The following GABRB2 variants were observed in gnomAD, a reference collection of about 807,000 sequenced individuals.
GABRB2 encodes gamma-aminobutyric acid type A receptor subunit beta2.
A neutral mutation model predicts 54.7 loss-of-function variants in GABRB2; 16 were observed. The observed-to-expected ratio is 0.29, with a 90% CI of 0.20 to 0.44. GABRB2 has a LOEUF of 0.44. Ranked by LOEUF, GABRB2 falls within the 20% of genes least tolerant of loss-of-function variation. The pLI is 1.00. For synonymous variants in GABRB2, 244 were observed against 233.8 expected (o/e 1.04, Z -0.40); for missense variants, 355 against 644.0 (o/e 0.55, Z 4.86).
At chr5:161,369,259 T>G (rs575334604) in intron 5 of GABRB2, among the ~76,000 whole-genome samples, 1 of 152,332 alleles carries the variant, frequency 6.6e-6, no homozygotes, top group Admixed American at 6.5e-5. Context: ...AACTGGCAGC[T>G]CCTGCTGTGA....
At chr5:161,461,506 T>C (rs568116456) in intron 3 of GABRB2, among the ~76,000 whole-genome samples, 59 of 152,286 alleles carry the variant, frequency 3.9e-4, no homozygotes, top group African/African-American at 1.3e-3. Context: ...CAGAAGGTTA[T>C]TATGAAAATT....
chr5:161,468,360 C>G (rs1022718311), intron 3 of GABRB2, among the ~76,000 whole-genome samples: 3 of 152,026 alleles, frequency 2.0e-5, no homozygotes, highest in Admixed American at 6.6e-5. Context: ...TAAGCCCATC[C>G]ACACTGGCCT....
intron 5 of GABRB2, among the ~76,000 whole-genome samples, chr5:161,402,386 G>A (rs1756223666): frequency 6.6e-6 from 1 of 152,082 alleles, no homozygotes; most frequent in South Asian, 2.1e-4. Flanking sequence ...TTAAAAAGGT[G>A]AGTTCCAGTT....
chr5:161,524,437 G>A (rs1760209415), intron 3 of GABRB2, among the ~76,000 whole-genome samples: 3 of 151,690 alleles, frequency 2.0e-5, no homozygotes. Context: ...TGAAATTATG[G>A]CTAAGAGTAA....
At chr5:161,365,451 T>A (rs1754944763) in intron 5 of GABRB2, among the ~76,000 whole-genome samples, 1 of 152,220 alleles carries the variant, frequency 6.6e-6, no homozygotes, top group Admixed American at 6.5e-5. Context: ...TATGTTTTTA[T>A]ATTGACACAT....
intron 3 of GABRB2, among the ~76,000 whole-genome samples, chr5:161,489,198 C>T (rs1759023618): frequency 6.6e-6 from 1 of 151,562 alleles, no homozygotes; most frequent in South Asian, 2.1e-4. Flanking sequence ...AGAAGATCAG[C>T]CTAGTTTTTG....
At chr5:161,476,471 T>C (rs941166512) in intron 3 of GABRB2, among the ~76,000 whole-genome samples, 1 of 151,804 alleles carries the variant, frequency 6.6e-6, no homozygotes, top group Non-Finnish European at 1.5e-5. Flanking sequence ...AACCTCAATA[T>C]ACCCCAAATA....
intron 3 of GABRB2, among the ~76,000 whole-genome samples, chr5:161,461,539 T>G (rs1399060144): frequency 1.3e-5 from 2 of 152,190 alleles, no homozygotes; most frequent in Non-Finnish European, 2.9e-5. Flanking sequence ...CAAATGCAAT[T>G]TGTAAACTAC....
intron 8 of GABRB2, 48 bp from the exon 9 acceptor site, chr5:161,326,529 T>C: frequency 6.3e-7 from 1 of 1,592,348 alleles, no homozygotes; most frequent in Non-Finnish European, 8.6e-7. Context: ...TTGATGCTAC[T>C]AGATTAGGCC....
chr5:161,339,061 A>G (rs1225831477), intron 5 of GABRB2, among the ~76,000 whole-genome samples: 1 of 152,140 alleles, frequency 6.6e-6, no homozygotes, highest in Non-Finnish European at 1.5e-5. Context: ...TTCTTTATCC[A>G]TATCTCTCAG....
chr5:161,388,712 CT>C (rs1282356955), intron 5 of GABRB2, among the ~76,000 whole-genome samples: 1 of 151,718 alleles, frequency 6.6e-6, no homozygotes, highest in Non-Finnish European at 1.5e-5. Flanking sequence ...GGCTTTGTGT[CT>C]TTTTTTAGCT....
chr5:161,363,586 C>T (rs573859409), intron 5 of GABRB2, among the ~76,000 whole-genome samples: 1 of 152,114 alleles, frequency 6.6e-6, no homozygotes, highest in African/African-American at 2.4e-5. Flanking sequence ...CCTATAGTCC[C>T]AGCTACTAAG....
At chr5:161,495,840 T>C (rs1037151848) in intron 3 of GABRB2, among the ~76,000 whole-genome samples, 2 of 152,126 alleles carry the variant, frequency 1.3e-5, no homozygotes, top group African/African-American at 2.4e-5. Flanking sequence ...ATATCTTCTA[T>C]AATGAGTTGG....
rs139862220 is a variant in GABRB2, at chr5:161,501,705, T to C, written c.238-41861A>G. On this transcript the variant is annotated intron_variant, in intron 3 of 9. Coordinates refer to ENST00000393959, the MANE Select transcript of GABRB2 (RefSeq NM_001371727.1). ...TTGTGTTTGTGTCTGCATTTAAATA[T>C]AGGTTTTCTCTTGTTATTCTTATCT... is the stretch of plus-strand genomic sequence containing the variant. Among the ~76,000 whole-genome samples the C allele has an allele frequency of 4.1e-3, 617 of 152,110 alleles. 1 individual carries two copies. Among genetic ancestry groups the C allele is most frequent in the Non-Finnish European group, 6.5e-3 (439 of 67,968 alleles).
intron 9 of GABRB2, among the ~76,000 whole-genome samples, chr5:161,311,440 C>T (rs978981777): frequency 9.8e-5 from 15 of 152,310 alleles, no homozygotes; most frequent in Non-Finnish European, 1.8e-4. Context: ...CCTAGTTCTA[C>T]CACTAACTTG....
chr5:161,455,241 G>GGTA (rs10632483), intron 4 of GABRB2, among the ~76,000 whole-genome samples: 24,941 of 151,978 alleles, frequency 0.16, 2,116 homozygotes, highest in East Asian at 0.2. Context: ...TGACAAGAGT[G>GGTA]GTAGCAAGGT....
intron 5 of GABRB2, among the ~76,000 whole-genome samples, chr5:161,349,907 C>A (rs10061153): frequency 0.019 from 2,844 of 152,164 alleles, 85 homozygotes; most frequent in African/African-American, 0.065. Flanking sequence ...CCTAGCTAAG[C>A]CAATCCTTAT....
intron 5 of GABRB2, among the ~76,000 whole-genome samples, chr5:161,395,024 C>T (rs993281993): frequency 6.6e-6 from 1 of 151,934 alleles, no homozygotes; most frequent in African/African-American, 2.4e-5. Context: ...AAGATTTATC[C>T]TAGGAATGCA....
At chr5:161,349,348 A>G (rs1186087704) in intron 5 of GABRB2, among the ~76,000 whole-genome samples, 1 of 152,162 alleles carries the variant, frequency 6.6e-6, no homozygotes, top group Non-Finnish European at 1.5e-5. Context: ...TTAAACAATC[A>G]TCAAGACCCA....
Sources: gnomAD v4.1 joint callset for allele counts (sites outside exome capture counted in the v4.1 genomes callset) on GRCh38, gnomAD v4.1.1 for gene constraint, MANE v1.5 for transcripts, NCBI Gene and HGNC (gene_info 2026-07-23, HGNC 2026-07-21) for gene names.